Variants in ERBB4 observed in about 807,000 individuals in gnomAD.
ERBB4 encodes the protein receptor tyrosine-protein kinase erbB-4.
Under a neutral mutation model 158.0 loss-of-function variants are expected in ERBB4, and 42 were observed. The observed-to-expected ratio is 0.27, with a 90% confidence interval of 0.21 to 0.34. ERBB4 has a LOEUF of 0.34. ERBB4 is among the 10% of genes least tolerant of loss of function. ERBB4 has a pLI of 1.00. For synonymous variants in ERBB4, 583 were observed against 558.7 expected (o/e 1.04, Z -0.61); for missense variants, 1,333 against 1,624.1 (o/e 0.82, Z 3.08).
chr2:211,967,810 T>C (rs946096275), intron 2 of ERBB4, among the ~76,000 whole-genome samples: 1 of 151,968 alleles, frequency 6.6e-6, no homozygotes, highest in East Asian at 1.9e-4. Flanking sequence ...TATTCATTAG[T>C]TAAAATTCTG....
chr2:212,073,132 G>A (rs936920864), intron 2 of ERBB4, among the ~76,000 whole-genome samples: 1 of 151,916 alleles, frequency 6.6e-6, no homozygotes, highest in Non-Finnish European at 1.5e-5. Flanking sequence ...AGAGAACACT[G>A]AAAATGTGGG....
chr2:212,019,313 A>G (rs974361654), intron 2 of ERBB4, among the ~76,000 whole-genome samples: 1 of 152,202 alleles, frequency 6.6e-6, no homozygotes, highest in African/African-American at 2.4e-5. Context: ...CCTGCTGAAA[A>G]ATAAACCTTA....
intron 3 of ERBB4, among the ~76,000 whole-genome samples, chr2:211,922,892 T>C (rs991973071): frequency 5.9e-5 from 9 of 152,146 alleles, no homozygotes; most frequent in African/African-American, 2.2e-4. Context: ...TTTAGTATAT[T>C]CTGGGAATGA....
chr2:212,318,553 AAAG>A (rs1283235019), intron 1 of ERBB4, among the ~76,000 whole-genome samples: 11 of 151,630 alleles, frequency 7.3e-5, no homozygotes, highest in African/African-American at 2.7e-4. Flanking sequence ...ATCAGAAAAA[AAAG>A]AAGTGTAATA....
At chr2:212,479,507 G>A (rs184844374) in intron 1 of ERBB4, among the ~76,000 whole-genome samples, 9 of 152,198 alleles carry the variant, frequency 5.9e-5, no homozygotes, top group South Asian at 2.1e-4. Context: ...CTTACTGTGC[G>A]CCGAGCACTA....
chr2:212,474,822 CTTTTTTTT>C (rs539959668), intron 1 of ERBB4, among the ~76,000 whole-genome samples: 21 of 94,414 alleles, frequency 2.2e-4, no homozygotes, highest in East Asian at 1.2e-3. Context: ...CCCGGCCATT[CTTTTTTTT>C]TTTTTTTTTT....
chr2:211,988,552 C>T (rs1344047061), intron 2 of ERBB4, among the ~76,000 whole-genome samples: 1 of 152,016 alleles, frequency 6.6e-6, no homozygotes, highest in Non-Finnish European at 1.5e-5. Flanking sequence ...TACCTTTGCC[C>T]ACATCTAGGC....
chr2:211,867,737 T>C (rs909229560), intron 3 of ERBB4, among the ~76,000 whole-genome samples: 1 of 152,158 alleles, frequency 6.6e-6, no homozygotes, highest in African/African-American at 2.4e-5. Context: ...TTTGAGTATT[T>C]TATTTTTATC....
rs2085083511 is a variant in ERBB4, at chr2:212,265,135, C to CA, written c.83-140233dup. On this transcript the variant is annotated intron_variant, in intron 1 of 27. Transcript: ENST00000342788. ...TCAGTGCTCAGGACACTACACTTAACAAAGGGAAGACAAATAGGACCAGGC... is the reference window on the plus strand; with the variant it reads ...TCAGTGCTCAGGACACTACACTTAACAAAAGGGAAGACAAATAGGACCAGGC... Among the ~76,000 whole-genome samples the CA allele has an allele frequency of 2.6e-5, 4 of 152,194 alleles. No homozygotes were observed. The South Asian group carries it at 8.3e-4, about 32-fold the overall frequency.
intron 1 of ERBB4, among the ~76,000 whole-genome samples, chr2:212,406,532 C>A (rs1248720557): frequency 6.6e-6 from 1 of 152,132 alleles, no homozygotes. Flanking sequence ...AAGATGATTA[C>A]ACATATTATA....
At chr2:212,048,403 A>G (rs979313089) in intron 2 of ERBB4, among the ~76,000 whole-genome samples, 1 of 152,160 alleles carries the variant, frequency 6.6e-6, no homozygotes, top group Non-Finnish European at 1.5e-5. Context: ...TATAGCAGTG[A>G]TTTAGAGCAG....
chr2:212,294,507 A>T (rs2086336580), intron 1 of ERBB4, among the ~76,000 whole-genome samples: 1 of 152,004 alleles, frequency 6.6e-6, no homozygotes, highest in Admixed American at 6.6e-5. Context: ...TATATATACA[A>T]AACTGTATTT....
At chr2:211,810,788 T>C (rs1019854470) in intron 3 of ERBB4, among the ~76,000 whole-genome samples, 1 of 149,486 alleles carries the variant, frequency 6.7e-6, no homozygotes, top group Admixed American at 6.8e-5. Context: ...TTCTCCTGCC[T>C]CAGTCTCCCG....
At chr2:211,498,604 A>G (rs893365404) in intron 20 of ERBB4, among the ~76,000 whole-genome samples, 3 of 152,140 alleles carry the variant, frequency 2.0e-5, no homozygotes, top group African/African-American at 7.2e-5. Context: ...TTCAAACATC[A>G]TAAGGAGTAA....
chr2:212,217,247 G>C (rs1174137994), intron 1 of ERBB4, among the ~76,000 whole-genome samples: 1 of 151,236 alleles, frequency 6.6e-6, no homozygotes, highest in African/African-American at 2.4e-5. Flanking sequence ...AGCAATAAAA[G>C]GGTCTTCTGT....
At chr2:212,318,514 T>C (rs1409590068) in intron 1 of ERBB4, among the ~76,000 whole-genome samples, 3 of 139,880 alleles carry the variant, frequency 2.1e-5, no homozygotes, top group South Asian at 4.8e-4. Context: ...TTAGTCTCTA[T>C]AGAAAGAGAG....
At chr2:212,071,234 G>T (rs1222380626) in intron 2 of ERBB4, among the ~76,000 whole-genome samples, 1 of 151,344 alleles carries the variant, frequency 6.6e-6, no homozygotes, top group East Asian at 2.0e-4. Context: ...ACATCTATCT[G>T]ATCTGGTCCA....
At chr2:212,097,903 A>G (rs1194203744) in intron 2 of ERBB4, among the ~76,000 whole-genome samples, 1 of 152,218 alleles carries the variant, frequency 6.6e-6, no homozygotes, top group Admixed American at 6.5e-5. Context: ...AAGACAATGC[A>G]TATAGACAAC....
chr2:211,800,960 T>C lies in ERBB4; in HGVS notation c.422-12801A>G, dbSNP rs576378481. 5.3e-5 allele frequency among the ~76,000 whole-genome samples: 8 copies of C among 152,334 alleles called. No homozygotes were observed. In the South Asian group the frequency reaches 1.4e-3, roughly 28 times the overall value. Reference sequence around the variant, plus strand: ...AATGAATAGGGTAAAATGATTTTAATTACCATATCCAAACTCATAAACTTA... The same window carrying C: ...AATGAATAGGGTAAAATGATTTTAACTACCATATCCAAACTCATAAACTTA... On this transcript the variant is annotated intron_variant, in intron 3 of 27. Coordinates refer to ENST00000342788, the MANE Select transcript of ERBB4 (RefSeq NM_005235.3).
Sources: allele counts gnomAD v4.1 joint callset (sites outside exome capture counted in the v4.1 genomes callset), GRCh38; gene constraint gnomAD v4.1.1; transcripts MANE v1.5; gene names NCBI Gene and HGNC (gene_info 2026-07-23, HGNC 2026-07-21).